ANKRD50: variants seen among roughly 807,000 people sequenced by gnomAD.
The protein encoded by ANKRD50 is ankyrin repeat domain 50.
ANKRD50 carries 40 observed loss-of-function variants against 112.0 expected under a neutral mutation model. The ratio of observed to expected loss-of-function variants is 0.36; its 90% CI spans 0.28 to 0.46. The LOEUF is 0.46. Among genes scored for constraint, ANKRD50 ranks in the 20% least tolerant of loss-of-function variants. ANKRD50 has a pLI of 1.00. For synonymous variants in ANKRD50, 613 were observed against 619.1 expected (o/e 0.99, Z 0.15); for missense variants, 1,487 against 1,701.7 (o/e 0.87, Z 2.22).
intron 3 of ANKRD50, 36 bp downstream of exon 3, chr4:124,678,640 A>G (rs975814300): frequency 6.4e-7 from 1 of 1,564,440 alleles, no homozygotes; most frequent in Non-Finnish European, 8.8e-7. Flanking sequence ...CATTAATGAA[A>G]AGCATTTAAG....
chr4:124,679,731 A>C (rs1012912731), intron 2 of ANKRD50, among the ~76,000 whole-genome samples: 11 of 150,608 alleles, frequency 7.3e-5, no homozygotes, highest in African/African-American at 2.7e-4. Flanking sequence ...GTCTTTCAAT[A>C]TAATAGCCAC....
At chr4:124,682,380 A>G in intron 2 of ANKRD50, among the ~76,000 whole-genome samples, 1 of 151,134 alleles carries the variant, frequency 6.6e-6, no homozygotes, top group East Asian at 1.9e-4. Context: ...TGCTGGGCAG[A>G]CTGTTCTGTA....
At position 124,710,965 on chromosome 4, in the gene ANKRD50, T is replaced by C. The variant is rs924927449; in HGVS notation, c.-454A>G. 1 of 414,986 alleles carries C rather than the reference T, an allele frequency of 2.4e-6. No homozygotes were observed. The highest frequency in any genetic ancestry group is 2.0e-5 in the African/African-American group (1 of 49,080). The allele number at this position is 414,986 out of a possible 1,614,324, so 25.7% of individuals were successfully genotyped here. A position where few individuals can be genotyped will look rare whatever the true frequency, so the allele number is the denominator to read the frequency against. ...AATTAGATTCTGAAAAGAGGTCCAC[T>C]GCATTAAATGGCATCAGAGAGATTA... On this transcript the variant is annotated 5_prime_UTR_variant, in exon 2 of 5. Coordinates refer to ENST00000504087, the MANE Select transcript of ANKRD50 (RefSeq NM_020337.3).
At position 124,671,100 on chromosome 4, in the gene ANKRD50, C is replaced by T. The variant is rs1288261900; in HGVS notation, c.2177G>A (p.Gly726Glu). Residue 726 changes from glycine (G) to glutamate (E), a missense_variant, in exon 4 of 5, where the codon GGG becomes GAG. Physicochemically the swap from Gly to Glu is moderately conservative, Grantham distance 98 (BLOSUM62 -2). This residue lies in a region of ANKRD50 where 1,046 missense variants were observed against 1,269.5 expected (regional missense o/e 0.82). Coordinates refer to ENST00000504087, the MANE Select transcript of ANKRD50 (RefSeq NM_020337.3). Reference protein sequence around the residue: ...VAALCVPASKGHASVVSLLID... With the variant: ...VAALCVPASKEHASVVSLLID... ...TAAAAGGCTAACAACTGATGCGTGCCCTTTACTTGCAGGCACACAAAGTGC... is the reference window on the plus strand; with the variant it reads ...TAAAAGGCTAACAACTGATGCGTGCTCTTTACTTGCAGGCACACAAAGTGC... 1 of 1,613,666 alleles carries T rather than the reference C, an allele frequency of 6.2e-7. No homozygotes were observed. The highest frequency in any genetic ancestry group is 8.5e-7 in the Non-Finnish European group (1 of 1,179,852).
At chr4:124,693,485 T>C (rs1725180364) in intron 2 of ANKRD50, among the ~76,000 whole-genome samples, 2 of 152,158 alleles carry the variant, frequency 1.3e-5, no homozygotes, top group African/African-American at 4.8e-5. Flanking sequence ...AATCTGGATC[T>C]GTAGTTAATT....
At chr4:124,677,943 C>G (rs1020042501) in intron 3 of ANKRD50, among the ~76,000 whole-genome samples, 1 of 151,970 alleles carries the variant, frequency 6.6e-6, no homozygotes, top group African/African-American at 2.4e-5. Context: ...TAAACTTTTA[C>G]CAACTATATT....
chr4:124,690,629 TA>T lies in ANKRD50; in HGVS notation c.513-11725del, dbSNP rs544469315. Among the ~76,000 whole-genome samples, 273 of 152,310 alleles carry T rather than the reference TA, an allele frequency of 1.8e-3. 1 individual carries two copies. The highest frequency in any genetic ancestry group is 6.3e-3 in the African/African-American group (262 of 41,566). On this transcript the variant is annotated intron_variant, in intron 2 of 4. Transcript: ENST00000504087. ...ACCTTTACAAATTAAAGTGTTACCT[TA>T]AAAATTTTTAAAAAGACCATGCATG...
At chr4:124,708,141 C>T (rs1057092539) in intron 2 of ANKRD50, among the ~76,000 whole-genome samples, 3 of 152,070 alleles carry the variant, frequency 2.0e-5, no homozygotes, top group Non-Finnish European at 4.4e-5. Context: ...TCTGCTCTGC[C>T]ACTAGTATCT....
At chr4:124,674,863 ATC>A (rs1231908751) in intron 3 of ANKRD50, among the ~76,000 whole-genome samples, 1 of 151,902 alleles carries the variant, frequency 6.6e-6, no homozygotes, top group East Asian at 1.9e-4. Flanking sequence ...TATAATAGTT[ATC>A]TGTTCATTAA....
At chr4:124,668,597 A>C (rs771629797) in intron 4 of ANKRD50, among the ~76,000 whole-genome samples, 5 of 152,098 alleles carry the variant, frequency 3.3e-5, no homozygotes, top group East Asian at 3.9e-4. Flanking sequence ...TTCATTCATT[A>C]GTTCATTCAC....
chr4:124,677,516 CAAAT>C (rs894053513), intron 3 of ANKRD50, among the ~76,000 whole-genome samples: 4 of 151,714 alleles, frequency 2.6e-5, no homozygotes, highest in Admixed American at 6.6e-5. Context: ...AAAAGAGAAT[CAAAT>C]AATAATAGCA....
intron 2 of ANKRD50, among the ~76,000 whole-genome samples, chr4:124,699,007 A>C (rs1337761610): frequency 6.6e-6 from 1 of 152,190 alleles, no homozygotes; most frequent in Non-Finnish European, 1.5e-5. Flanking sequence ...AGAAGTTTGA[A>C]AACTGTTGCT....
chr4:124,674,925 C>T (rs1730738048), intron 3 of ANKRD50, among the ~76,000 whole-genome samples: 1 of 151,750 alleles, frequency 6.6e-6, no homozygotes, highest in East Asian at 1.9e-4. Context: ...TCTTGAGTTA[C>T]AGTACTGAAA....
chr4:124,675,787 A>C (rs751466995), intron 3 of ANKRD50, among the ~76,000 whole-genome samples: 4 of 151,792 alleles, frequency 2.6e-5, no homozygotes, highest in Non-Finnish European at 5.9e-5. Flanking sequence ...TATTTCTTTC[A>C]GTCCCATAAC....
intron 2 of ANKRD50, among the ~76,000 whole-genome samples, chr4:124,679,201 CCTTT>C (rs1196931756): frequency 6.6e-6 from 1 of 151,886 alleles, no homozygotes; most frequent in Non-Finnish European, 1.5e-5. Flanking sequence ...TTCAATATTC[CCTTT>C]CTGATTGTTT....
rs1426329331 is a variant in ANKRD50 at position 124,671,281 on chromosome 4, G to A, written c.1996C>T (p.His666Tyr). ...TCAGCTTTGTTCACTTCAGCGCCAT[G>A]TTGTAGCAAATTCAGTACAATATCC... is the stretch of plus-strand genomic sequence containing the variant. ...HEDIVLNLLQ[H>Y]GAEVNKADNE... The change falls in exon 4 of 5, where the codon CAT becomes TAT. Residue 666 changes from histidine to tyrosine, a missense_variant. Physicochemically the swap from His to Tyr is moderately conservative, Grantham distance 83 (BLOSUM62 2). This residue lies in a region of ANKRD50 where 1,046 missense variants were observed against 1,269.5 expected (regional missense o/e 0.82). Transcript: ENST00000504087. 6.2e-7 allele frequency: 1 copy of A among 1,613,810 alleles called. No homozygotes were observed. Among genetic ancestry groups the A allele is most frequent in the Middle Eastern group, 1.7e-4 (1 of 6,058 alleles).
At chr4:124,707,593 G>A (rs954294675) in intron 2 of ANKRD50, among the ~76,000 whole-genome samples, 5 of 151,974 alleles carry the variant, frequency 3.3e-5, no homozygotes, top group Non-Finnish European at 7.4e-5. Flanking sequence ...TTACTTTAAC[G>A]ATGAAGAAAG....
chr4:124,705,981 GA>G (rs1409382361), intron 2 of ANKRD50, among the ~76,000 whole-genome samples: 1 of 151,796 alleles, frequency 6.6e-6, no homozygotes, highest in East Asian at 1.9e-4. Flanking sequence ...AAATAAAAAT[GA>G]AAAAAAGATA....
rs902279162 is a variant in ANKRD50, at chr4:124,665,548, A to G, written c.*1970T>C. ...AATTAGAGCTTCATCCTCTACAGTA[A>G]TGTAAATGTACTGTATTTGAGATAT... On this transcript the variant is annotated 3_prime_UTR_variant, in exon 5 of 5. Coordinates refer to ENST00000504087, the MANE Select transcript of ANKRD50 (RefSeq NM_020337.3). 11 of 152,426 alleles carry G rather than the reference A, an allele frequency of 7.2e-5. No individual in the cohort carries two copies. The highest frequency in any genetic ancestry group is 2.7e-4 in the African/African-American group (11 of 41,440). The allele number at this position is 152,426 out of a possible 1,614,324, so 9.4% of individuals were successfully genotyped here. A position where few individuals can be genotyped will look rare whatever the true frequency, so the allele number is the denominator to read the frequency against.
Sources: gnomAD v4.1 joint callset for allele counts (sites outside exome capture counted in the v4.1 genomes callset) on GRCh38, gnomAD v4.1.1 for gene constraint, gnomAD v4.1.1 regional missense constraint, MANE v1.5 for transcripts, NCBI Gene and HGNC (gene_info 2026-07-23, HGNC 2026-07-21) for gene names.